Variants in PCDH15 observed in about 807,000 individuals in gnomAD.
PCDH15 encodes the protein protocadherin-15.
In PCDH15, 129 loss-of-function variants were observed where a neutral mutation model predicts 178.5. That is an observed-to-expected ratio of 0.72 (90% confidence interval 0.63 to 0.84). The LOEUF (loss-of-function observed/expected upper bound fraction) is 0.84. PCDH15 is among the 40% of genes least tolerant of loss of function. PCDH15 has a pLI of 0.00. For missense variants in PCDH15, 2,230 were observed against 2,099.9 expected (o/e 1.06, Z -1.21); for synonymous variants, 800 against 732.0 (o/e 1.09, Z -1.50).
At chr10:55,268,782 A>G (rs998477827) in intron 1 of PCDH15, among the ~76,000 whole-genome samples, 2 of 152,164 alleles carry the variant, frequency 1.3e-5, no homozygotes, top group Non-Finnish European at 2.9e-5. Context: ...ATCTCTGGAA[A>G]TATACCAGAA....
At chr10:54,310,974 T>C (rs1288914501) in intron 8 of PCDH15, among the ~76,000 whole-genome samples, 1 of 152,080 alleles carries the variant, frequency 6.6e-6, no homozygotes, top group Non-Finnish European at 1.5e-5. Flanking sequence ...GAAGAAATGA[T>C]AAGTGTTGTA....
At chr10:55,293,904 G>A (rs950284321) in intron 1 of PCDH15, among the ~76,000 whole-genome samples, 13 of 152,064 alleles carry the variant, frequency 8.5e-5, no homozygotes, top group Admixed American at 2.0e-4. Flanking sequence ...TTCCAAAGTC[G>A]CTTCCACATT....
intron 2 of PCDH15, among the ~76,000 whole-genome samples, chr10:55,125,832 C>T (rs1263779654): frequency 6.6e-6 from 1 of 151,874 alleles, no homozygotes; most frequent in East Asian, 1.9e-4. Flanking sequence ...TCCTTGCTTT[C>T]TGCAGCAGGT....
intron 1 of PCDH15, among the ~76,000 whole-genome samples, chr10:54,675,864 G>A (rs2094778857): frequency 6.6e-6 from 1 of 152,044 alleles, no homozygotes; most frequent in Admixed American, 6.6e-5. Context: ...TTGATGTTTT[G>A]AATGAATGAA....
intron 2 of PCDH15, among the ~76,000 whole-genome samples, chr10:54,627,609 A>C (rs1338271371): frequency 6.6e-6 from 1 of 152,156 alleles, no homozygotes; most frequent in South Asian, 2.1e-4. Flanking sequence ...TTAATTGTCC[A>C]GTCTTGGGTA....
intron 20 of PCDH15, among the ~76,000 whole-genome samples, chr10:54,002,093 A>G (rs1303030515): frequency 1.5e-5 from 2 of 133,812 alleles, no homozygotes; most frequent in Non-Finnish European, 3.2e-5. Flanking sequence ...ATGTATATAT[A>G]CATGTGTATA....
intron 3 of PCDH15, among the ~76,000 whole-genome samples, chr10:54,510,227 C>A (rs985072096): frequency 1.3e-5 from 2 of 152,138 alleles, no homozygotes; most frequent in Non-Finnish European, 2.9e-5. Flanking sequence ...TAAAGCCAAA[C>A]CCTTGACATC....
rs190370260 is a variant in PCDH15, at chr10:54,277,971, A to T, written c.876+39300T>A. On this transcript the variant is annotated intron_variant, in intron 8 of 37. Coordinates refer to ENST00000644397, the MANE Select transcript of PCDH15 (RefSeq NM_001384140.1). ...TAATTTGAGTTGCTTATTAGCACCC[A>T]ACTAGAGATATCAAATAGATAGTTG... 9.3e-3 allele frequency among the ~76,000 whole-genome samples: 1,412 copies of T among 151,706 alleles called. 26 individuals are homozygous for T. Among genetic ancestry groups the T allele is most frequent in the African/African-American group, 0.032 (1,314 of 41,496 alleles).
chr10:55,567,293 T>A (rs948425967), intron 2 of PCDH15, among the ~76,000 whole-genome samples: 1 of 151,966 alleles, frequency 6.6e-6, no homozygotes, highest in African/African-American at 2.4e-5. Flanking sequence ...AATGGATCCA[T>A]GACCTAAATG....
At chr10:55,143,087 G>A (rs1026603820) in intron 2 of PCDH15, among the ~76,000 whole-genome samples, 2 of 151,506 alleles carry the variant, frequency 1.3e-5, no homozygotes, top group South Asian at 2.1e-4. Flanking sequence ...TCGCGCTCGC[G>A]CTCTCTCTCT....
At chr10:54,804,275 G>A (rs1016997014), upstream of PCDH15, among the ~76,000 whole-genome samples, 5 of 152,102 alleles carry the variant, frequency 3.3e-5, no homozygotes, top group African/African-American at 4.8e-5. Context: ...TCCTGACCTC[G>A]TGATCCTCCC....
chr10:54,019,852 T>G (rs935782058), intron 20 of PCDH15, among the ~76,000 whole-genome samples: 1 of 151,978 alleles, frequency 6.6e-6, no homozygotes, highest in East Asian at 1.9e-4. Context: ...AGTTGAAGGA[T>G]TTGTACCAAA....
chr10:53,906,741 G>A (rs2082707293), intron 25 of PCDH15: 1 of 151,706 alleles, frequency 6.6e-6, no homozygotes, highest in Non-Finnish European at 1.5e-5. Context: ...TGATTTTCTT[G>A]CAGATGAAAT....
At chr10:55,234,698 T>C (rs1444967439) in intron 1 of PCDH15, among the ~76,000 whole-genome samples, 1 of 152,052 alleles carries the variant, frequency 6.6e-6, no homozygotes, top group African/African-American at 2.4e-5. Flanking sequence ...GTTATTTCTA[T>C]TGAGATTTCT....
Position 54,731,545 on chromosome 10 carries a change from GAT to G in PCDH15, c.-28-67257_-28-67256del, listed in dbSNP as rs1167781763. Among the ~76,000 whole-genome samples the G allele has an allele frequency of 9.8e-4, 79 of 80,286 alleles. 2 individuals carry two copies. Among genetic ancestry groups the G allele is most frequent in the African/African-American group, 3.2e-3 (68 of 21,248 alleles). The allele number at this position is 80,286 out of a possible 152,430, so 52.7% of individuals were successfully genotyped here. Reference sequence around the variant, plus strand: ...CAATGAATAAAGAAAATGTGAGATAGATATATATATATATATATACACACACA... The same window carrying G: ...CAATGAATAAAGAAAATGTGAGATAGATATATATATATATATACACACACA... On this transcript the variant is annotated intron_variant, in intron 1 of 37. Transcript: ENST00000644397.
intron 2 of PCDH15, among the ~76,000 whole-genome samples, chr10:55,126,916 A>C (rs956326291): frequency 2.0e-5 from 3 of 151,932 alleles, no homozygotes; most frequent in Non-Finnish European, 4.4e-5. Flanking sequence ...CAAAAAAAAA[A>C]AATGTTTTAT....
chr10:54,284,656 G>A (rs906954250), intron 8 of PCDH15, among the ~76,000 whole-genome samples: 2 of 152,144 alleles, frequency 1.3e-5, no homozygotes, highest in Non-Finnish European at 2.9e-5. Context: ...GGGTTGGCTG[G>A]CTTTTCTGTC....
chr10:53,910,921 A>T (rs7090681), intron 25 of PCDH15, among the ~76,000 whole-genome samples: 77,861 of 151,952 alleles, frequency 0.51, 21,779 homozygotes, highest in Middle Eastern at 0.69. Context: ...CAGAGATTGA[A>T]GATCAAGTTA....
At chr10:54,583,371 A>G (rs987040118) in intron 2 of PCDH15, among the ~76,000 whole-genome samples, 1 of 151,560 alleles carries the variant, frequency 6.6e-6, no homozygotes, top group Non-Finnish European at 1.5e-5. Context: ...ATTTTCCTCC[A>G]TTTTATTTTA....
Sources: allele counts gnomAD v4.1 joint callset (sites outside exome capture counted in the v4.1 genomes callset), GRCh38; gene constraint gnomAD v4.1.1; transcripts MANE v1.5; gene names NCBI Gene and HGNC (gene_info 2026-07-23, HGNC 2026-07-21).